Variants in DCC observed in about 807,000 individuals in gnomAD.
DCC encodes the protein netrin receptor DCC.
DCC carries 58 observed loss-of-function variants against 172.5 expected under a neutral mutation model. The ratio of observed to expected loss-of-function variants is 0.34; its 90% CI spans 0.27 to 0.42. The LOEUF (loss-of-function observed/expected upper bound fraction) is 0.42, where lower values mean the gene tolerates loss of function less well. DCC is among the 10% of genes least tolerant of loss of function. DCC has a pLI of 1.00. For missense variants in DCC, 1,740 were observed against 1,791.0 expected, an observed-to-expected ratio of 0.97 and a Z score of 0.51; for synonymous variants, 709 against 644.5, an observed-to-expected ratio of 1.10 and a Z score of -1.52.
chr18:52,476,137 A>G (rs1008286335), intron 1 of DCC, among the ~76,000 whole-genome samples: 3 of 152,186 alleles, frequency 2.0e-5, no homozygotes, highest in Admixed American at 1.3e-4. Flanking sequence ...GAAAATCAAA[A>G]TCTGTCCTCC....
chr18:52,780,101 G>A (rs2037508244), intron 2 of DCC, among the ~76,000 whole-genome samples: 1 of 152,014 alleles, frequency 6.6e-6, no homozygotes, highest in African/African-American at 2.4e-5. Context: ...TAACCATCAA[G>A]GTTTTTCATA....
At chr18:53,518,747 G>C (rs1055308172) in intron 27 of DCC, among the ~76,000 whole-genome samples, 4 of 152,130 alleles carry the variant, frequency 2.6e-5, no homozygotes, top group Non-Finnish European at 5.9e-5. Flanking sequence ...TTCCACCAAA[G>C]GGTCGCCTGA....
chr18:53,312,700 T>C (rs2057289377), intron 13 of DCC, among the ~76,000 whole-genome samples: 1 of 144,336 alleles, frequency 6.9e-6, no homozygotes, highest in Non-Finnish European at 1.5e-5. Context: ...TCCCAGCTAC[T>C]CGGGAGGCTG....
At chr18:52,909,166 T>A (rs541350841) in intron 3 of DCC, among the ~76,000 whole-genome samples, 3 of 152,322 alleles carry the variant, frequency 2.0e-5, no homozygotes, top group African/African-American at 7.2e-5. Flanking sequence ...TCAAAAATCA[T>A]CGTAATCCTT....
At chr18:53,133,974 A>G (rs890963860) in intron 7 of DCC, among the ~76,000 whole-genome samples, 27 of 152,306 alleles carry the variant, frequency 1.8e-4, no homozygotes, top group Admixed American at 1.1e-3. Context: ...ATTTTATTGG[A>G]GAGCAAGAGA....
chr18:52,640,168 T>C (rs944270633), intron 1 of DCC, among the ~76,000 whole-genome samples: 1 of 152,166 alleles, frequency 6.6e-6, no homozygotes, highest in Admixed American at 6.5e-5. Context: ...CATTGCCTTA[T>C]GATTAAACTC....
intron 7 of DCC, among the ~76,000 whole-genome samples, chr18:53,122,273 G>GAAATAA (rs1389832735): frequency 6.6e-6 from 1 of 151,920 alleles, no homozygotes; most frequent in Non-Finnish European, 1.5e-5. Flanking sequence ...TATAGAAATA[G>GAAATAA]AAATAAAAAT....
chr18:53,055,657 G>C (rs372558195), intron 5 of DCC, among the ~76,000 whole-genome samples: 1 of 152,236 alleles, frequency 6.6e-6, no homozygotes, highest in South Asian at 2.1e-4. Context: ...AGAGACACTC[G>C]TATGGAGAAT....
intron 1 of DCC, among the ~76,000 whole-genome samples, chr18:52,467,208 C>G (rs1463781443): frequency 6.6e-6 from 1 of 151,982 alleles, no homozygotes; most frequent in Non-Finnish European, 1.5e-5. Context: ...TCCCCCACCC[C>G]CCGACAGGCC....
intron 1 of DCC, among the ~76,000 whole-genome samples, chr18:52,658,011 T>C (rs889676845): frequency 1.3e-5 from 2 of 152,188 alleles, no homozygotes; most frequent in African/African-American, 4.8e-5. Flanking sequence ...GTTTTGTTCT[T>C]AGCTAATTAA....
At chr18:52,932,020 C>T (rs1399406507) in intron 5 of DCC, 1 of 152,036 alleles carries the variant, frequency 6.6e-6, no homozygotes, top group Non-Finnish European at 1.5e-5. Context: ...GTAGTCTCCA[C>T]TCTCATAGAA....
chr18:52,969,522 T>C (rs533318239), intron 5 of DCC, among the ~76,000 whole-genome samples: 3 of 151,770 alleles, frequency 2.0e-5, no homozygotes, highest in African/African-American at 7.3e-5. Flanking sequence ...ACCTACTTAG[T>C]TGACTTACTT....
intron 1 of DCC, among the ~76,000 whole-genome samples, chr18:52,573,659 A>T (rs181425792): frequency 6.6e-6 from 1 of 152,094 alleles, no homozygotes; most frequent in Non-Finnish European, 1.5e-5. Context: ...TTTCTATTTC[A>T]CTGGTTGACC....
intron 19 of DCC, among the ~76,000 whole-genome samples, chr18:53,405,853 A>G (rs184008048): frequency 2.0e-5 from 3 of 152,336 alleles, no homozygotes; most frequent in Admixed American, 6.5e-5. Context: ...CTTACCCAAA[A>G]TCAAATAAGC....
At chr18:52,468,838 T>G (rs1450291686) in intron 1 of DCC, among the ~76,000 whole-genome samples, 2 of 152,156 alleles carry the variant, frequency 1.3e-5, no homozygotes, top group Non-Finnish European at 2.9e-5. Context: ...TCTTAAGATA[T>G]AATTTTAAAA....
intron 1 of DCC, among the ~76,000 whole-genome samples, chr18:52,490,335 A>C (rs969517581): frequency 2.6e-5 from 4 of 152,140 alleles, no homozygotes; most frequent in African/African-American, 9.6e-5. Context: ...GCCAGAAAGC[A>C]GGTAAGAAAG....
intron 1 of DCC, among the ~76,000 whole-genome samples, chr18:52,577,727 C>A (rs1319768560): frequency 1.3e-5 from 2 of 152,130 alleles, no homozygotes; most frequent in Non-Finnish European, 2.9e-5. Flanking sequence ...TTGCCCTTGG[C>A]CTTAGGCTTT....
intron 3 of DCC, among the ~76,000 whole-genome samples, chr18:52,914,663 T>TAGA (rs5824977): frequency 0.81 from 122,961 of 151,690 alleles, 50,389 homozygotes; most frequent in Middle Eastern, 0.89. Context: ...AACACAGAGT[T>TAGA]AGGAGTTTCA....
intron 2 of DCC, among the ~76,000 whole-genome samples, chr18:52,761,099 T>G (rs1025487360): frequency 1.3e-5 from 2 of 152,024 alleles, no homozygotes; most frequent in Non-Finnish European, 2.9e-5. Context: ...GAAAAAGAGG[T>G]TTATTACAGT....
Sources: gnomAD v4.1 joint callset for allele counts (sites outside exome capture counted in the v4.1 genomes callset) on GRCh38, gnomAD v4.1.1 for gene constraint, MANE v1.5 for transcripts, NCBI Gene and HGNC (gene_info 2026-07-23, HGNC 2026-07-21) for gene names.